The following RNF128 variants were observed in gnomAD, a reference collection of about 807,000 sequenced individuals.
RNF128 encodes the protein ring finger protein 128.
RNF128 carries 13 observed loss-of-function variants against 26.2 expected under a neutral mutation model. The observed-to-expected ratio is 0.50, with a 90% confidence interval of 0.32 to 0.79. The LOEUF is 0.79. Among genes scored for constraint, RNF128 ranks in the 30% least tolerant of loss-of-function variants. RNF128 has a pLI of 0.03. For missense variants in RNF128, 315 were observed against 349.7 expected (o/e 0.90, Z 0.79); for synonymous variants, 149 against 142.5 (o/e 1.05, Z -0.32).
At chrX:106,723,310 T>C (rs6523887), upstream of RNF128, among the ~76,000 whole-genome samples, 13,790 of 111,170 alleles carry the variant, frequency 0.12, 2,131 homozygotes, top group African/African-American at 0.43. Flanking sequence ...GGCTCACGCC[T>C]GTAATCCCAG....
intron 1 of RNF128, among the ~76,000 whole-genome samples, chrX:106,735,266 G>A (rs1929575413): frequency 8.9e-6 from 1 of 111,778 alleles, no homozygotes; most frequent in South Asian, 3.7e-4. Flanking sequence ...GAATGACCAA[G>A]TTGGTACAAA....
chrX:106,781,057 A>G (rs184133326), intron 2 of RNF128, among the ~76,000 whole-genome samples: 78 of 112,210 alleles, frequency 7.0e-4, no homozygotes, highest in African/African-American at 2.5e-3. Flanking sequence ...AGTGTCTTGC[A>G]TGAGAAAATC....
At position 106,793,730 on chromosome X, in the gene RNF128, G is replaced by T. The variant is rs769375586; in HGVS notation, c.1154-1850G>T. 6.3e-5 allele frequency among the ~76,000 whole-genome samples: 7 copies of T among 110,628 alleles called. No homozygotes were observed. In the South Asian group the frequency reaches 2.7e-3, roughly 43 times the overall value. The stretch of plus-strand genomic sequence containing the variant: ...AGTGTCCCTCAATTTGGGCTAGTCT[G>T]CTGTTTCCGAGTGATTAAATTTATT... On this transcript the variant is annotated intron_variant, in intron 6 of 6. Transcript: ENST00000255499.
intron 1 of RNF128, among the ~76,000 whole-genome samples, chrX:106,702,034 C>T (rs1374657639): frequency 1.8e-5 from 2 of 109,438 alleles, no homozygotes; most frequent in Non-Finnish European, 3.8e-5. Context: ...TTTTTTTTTA[C>T]CTGACTTACA....
chrX:106,765,848 C>T (rs938815936), intron 1 of RNF128, among the ~76,000 whole-genome samples: 3 of 109,584 alleles, frequency 2.7e-5, no homozygotes, highest in Non-Finnish European at 5.7e-5. Flanking sequence ...TTAGGTTTAT[C>T]TCCTAATGCT....
chrX:106,761,844 C>G (rs768137438), intron 1 of RNF128, among the ~76,000 whole-genome samples: 8 of 110,082 alleles, frequency 7.3e-5, no homozygotes, highest in African/African-American at 2.6e-4. Flanking sequence ...TCCCCTGTCA[C>G]TTGGTTTCTA....
chrX:106,735,912 C>T (rs188831850), intron 1 of RNF128, among the ~76,000 whole-genome samples: 1 of 110,256 alleles, frequency 9.1e-6, no homozygotes, highest in Admixed American at 9.7e-5. Context: ...CTCCCCCCAA[C>T]ACACACACAC....
At chrX:106,777,388 A>G (rs1930484626) in intron 2 of RNF128, among the ~76,000 whole-genome samples, 1 of 112,279 alleles carries the variant, frequency 8.9e-6, no homozygotes. Context: ...TATAAACTGG[A>G]TGAATTGTTC....
chrX:106,714,796 T>G (rs1174471016), intron 1 of RNF128, among the ~76,000 whole-genome samples: 2 of 112,175 alleles, frequency 1.8e-5, no homozygotes, highest in Non-Finnish European at 3.8e-5. Flanking sequence ...AAATTGAATC[T>G]CATTGTATGT....
chrX:106,774,160 G>T (rs1256468340), intron 2 of RNF128, among the ~76,000 whole-genome samples: 1 of 111,115 alleles, frequency 9.0e-6, no homozygotes, highest in Non-Finnish European at 1.9e-5. Flanking sequence ...CCTACTGTTG[G>T]ATAACCATAT....
intron 1 of RNF128, among the ~76,000 whole-genome samples, chrX:106,769,546 G>GTTTTTTTTTTTTTTTTTTTTTT (rs752900867): frequency 1.5e-5 from 1 of 65,115 alleles, no homozygotes; most frequent in Non-Finnish European, 2.7e-5. Flanking sequence ...CACCTGCTTT[G>GTTTTTTTTTTTTTTTTTTTTTT]TTTTTTTTTT....
At chrX:106,747,884 G>A (rs990686638) in intron 1 of RNF128, among the ~76,000 whole-genome samples, 9 of 111,749 alleles carry the variant, frequency 8.1e-5, no homozygotes, top group Non-Finnish European at 1.5e-4. Context: ...TCTAACATAC[G>A]GAAGATATTT....
At chrX:106,782,492 A>C (rs773684407) in intron 2 of RNF128, among the ~76,000 whole-genome samples, 7 of 111,372 alleles carry the variant, frequency 6.3e-5, no homozygotes, top group Non-Finnish European at 1.3e-4. Flanking sequence ...AAGACAGATG[A>C]GTTATGGATG....
chrX:106,718,274 T>C (rs1178639706), intron 1 of RNF128, among the ~76,000 whole-genome samples: 3 of 111,603 alleles, frequency 2.7e-5, no homozygotes, highest in Non-Finnish European at 5.6e-5. Context: ...GAGCCTCTTC[T>C]TCAAACAAAC....
intron 1 of RNF128, among the ~76,000 whole-genome samples, chrX:106,769,035 T>C (rs986616074): frequency 2.7e-5 from 3 of 112,104 alleles, no homozygotes. Context: ...TTTGAGTGAG[T>C]TTCTTAATCC....
At chrX:106,762,991 CAT>C (rs1477786677) in intron 1 of RNF128, among the ~76,000 whole-genome samples, 3 of 108,996 alleles carry the variant, frequency 2.8e-5, no homozygotes, top group Admixed American at 9.9e-5. Flanking sequence ...CATACCAACA[CAT>C]GTGCAAGATC....
intron 1 of RNF128, among the ~76,000 whole-genome samples, chrX:106,750,168 C>T (rs756911714): frequency 3.6e-5 from 4 of 111,869 alleles, no homozygotes; most frequent in African/African-American, 9.8e-5. Flanking sequence ...TCCACATTCA[C>T]GTGGCTATGG....
chrX:106,729,890 T>C (rs1271695827), intron 1 of RNF128, among the ~76,000 whole-genome samples: 1 of 112,533 alleles, frequency 8.9e-6, no homozygotes, highest in Non-Finnish European at 1.9e-5. Flanking sequence ...TTTTAACCTC[T>C]GGTCAAAAAC....
chrX:106,794,250 T>C (rs1201831840), intron 6 of RNF128, among the ~76,000 whole-genome samples: 2 of 110,980 alleles, frequency 1.8e-5, no homozygotes, highest in Non-Finnish European at 3.8e-5. Flanking sequence ...TCATCCTAGA[T>C]TTGGTCATTG....
Sources: allele counts gnomAD v4.1 joint callset (sites outside exome capture counted in the v4.1 genomes callset), GRCh38; gene constraint gnomAD v4.1.1; transcripts MANE v1.5; gene names NCBI Gene and HGNC (gene_info 2026-07-23, HGNC 2026-07-21).